Variants in ATP8A2 observed in about 807,000 individuals in gnomAD.
The protein encoded by ATP8A2 is phospholipid-transporting ATPase IB.
A neutral mutation model predicts 165.6 loss-of-function variants in ATP8A2; 100 were observed. The ratio of observed to expected loss-of-function variants is 0.60; its 90% confidence interval spans 0.51 to 0.71. The LOEUF (loss-of-function observed/expected upper bound fraction) is 0.71. Among genes scored for constraint, ATP8A2 ranks in the 30% least tolerant of loss-of-function variants. ATP8A2 has a pLI of 0.00. For synonymous variants in ATP8A2, 543 were observed against 548.8 expected (o/e 0.99, Z 0.15); for missense variants, 1,227 against 1,479.5 (o/e 0.83, Z 2.80).
At chr13:25,437,625 A>T (rs1462759434) in intron 1 of ATP8A2, among the ~76,000 whole-genome samples, 1 of 152,240 alleles carries the variant, frequency 6.6e-6, no homozygotes, top group Non-Finnish European at 1.5e-5. Context: ...GTATTGCTGG[A>T]GATTGTATTT....
intron 33 of ATP8A2, among the ~76,000 whole-genome samples, chr13:25,951,151 A>G (rs1227173043): frequency 6.6e-6 from 1 of 152,208 alleles, no homozygotes; most frequent in Non-Finnish European, 1.5e-5. Flanking sequence ...AACTGGAAAC[A>G]TATGTCCACA....
chr13:25,836,430 C>T (rs1951609771), intron 28 of ATP8A2, among the ~76,000 whole-genome samples: 1 of 152,180 alleles, frequency 6.6e-6, no homozygotes, highest in Non-Finnish European at 1.5e-5. Context: ...ACATCCCTGT[C>T]ATCTTGCCAA....
In ATP8A2 at chr13:25,408,080, A is replaced by T. The variant is rs77777152; in HGVS notation, c.76+35792A>T. Reference sequence around the variant, plus strand: ...TGTATCCTGGAACTTAAAGTAAAAAAATATATATATATTTGACATTAAAAA... The same window carrying T: ...TGTATCCTGGAACTTAAAGTAAAAATATATATATATATTTGACATTAAAAA... On this transcript the variant is annotated intron_variant, in intron 1 of 36. Coordinates refer to ENST00000381655, the MANE Select transcript of ATP8A2 (RefSeq NM_016529.6). Among the ~76,000 whole-genome samples the T allele has an allele frequency of 6.8e-3, 1,032 of 151,444 alleles. 16 individuals carry two copies. Among genetic ancestry groups the T allele is most frequent in the African/African-American group, 0.023 (931 of 41,248 alleles).
In ATP8A2 at chr13:25,559,152, T is replaced by A; in HGVS notation, c.1352+91T>A. The A allele has an allele frequency of 3.5e-6, 3 of 868,680 alleles. No homozygotes were observed. The Middle Eastern group carries it at 7.1e-4, about 205-fold the overall frequency. 53.8% of individuals were successfully genotyped at this position (868,680 alleles called of 1,614,324 possible). A position where few individuals can be genotyped will look rare whatever the true frequency, so the allele number is the denominator to read the frequency against. ...GCTACTTAGTCAAATATCTTGACTT[T>A]CTGATGTTTTGAAAGGATAAAGTAG... On this transcript the variant is annotated intron_variant, in intron 14 of 36. Transcript: ENST00000381655.
intron 33 of ATP8A2, among the ~76,000 whole-genome samples, chr13:25,891,395 T>G (rs929041445): frequency 6.6e-6 from 1 of 152,168 alleles, no homozygotes. Flanking sequence ...CGATCTCGGC[T>G]CACTGCAACC....
At chr13:25,696,350 A>G (rs1010603449) in intron 24 of ATP8A2, among the ~76,000 whole-genome samples, 1 of 152,230 alleles carries the variant, frequency 6.6e-6, no homozygotes, top group Non-Finnish European at 1.5e-5. Flanking sequence ...GCCTCTAACA[A>G]GAGTCAGCCT....
chr13:25,653,197 C>T (rs1260289893), intron 24 of ATP8A2, among the ~76,000 whole-genome samples: 3 of 152,134 alleles, frequency 2.0e-5, no homozygotes, highest in Non-Finnish European at 2.9e-5. Flanking sequence ...TATCCCAGCA[C>T]CGTTTATTGA....
At chr13:25,800,707 C>A (rs1275168344) in intron 27 of ATP8A2, among the ~76,000 whole-genome samples, 1 of 152,130 alleles carries the variant, frequency 6.6e-6, no homozygotes, top group African/African-American at 2.4e-5. Context: ...CGCCGTCATG[C>A]TGAGTGTTTC....
chr13:25,832,425 A>G (rs1461688194), intron 28 of ATP8A2, among the ~76,000 whole-genome samples: 5 of 152,250 alleles, frequency 3.3e-5, no homozygotes, highest in African/African-American at 9.6e-5. Flanking sequence ...ACTGTAGGCC[A>G]GTCTCACTTA....
chr13:25,447,773 G>A (rs1042748139), intron 1 of ATP8A2, among the ~76,000 whole-genome samples: 7 of 152,180 alleles, frequency 4.6e-5, no homozygotes, highest in Admixed American at 1.3e-4. Flanking sequence ...ACATGGACTC[G>A]AAGGATGGTG....
chr13:25,856,252 T>C (rs1952163857), intron 30 of ATP8A2, among the ~76,000 whole-genome samples: 1 of 152,186 alleles, frequency 6.6e-6, no homozygotes, highest in South Asian at 2.1e-4. Context: ...ATCGCTATGT[T>C]TTATCATAAG....
intron 35 of ATP8A2, among the ~76,000 whole-genome samples, chr13:25,987,013 T>C (rs2139276476): frequency 6.6e-6 from 1 of 152,350 alleles, no homozygotes; most frequent in African/African-American, 2.4e-5. Flanking sequence ...TTTTTACAGA[T>C]GATCTAGAGA....
intron 35 of ATP8A2, among the ~76,000 whole-genome samples, chr13:26,004,255 T>G (rs977095175): frequency 3.3e-5 from 5 of 152,114 alleles, no homozygotes; most frequent in African/African-American, 1.2e-4. Context: ...CACTTAAGTA[T>G]TTTGTGTTGT....
chr13:25,523,025 T>C (rs909310034), intron 2 of ATP8A2, among the ~76,000 whole-genome samples: 9 of 151,492 alleles, frequency 5.9e-5, no homozygotes, highest in African/African-American at 2.2e-4. Context: ...CTCTGGAGGC[T>C]GAGGCTACCT....
chr13:25,953,450 C>T lies in ATP8A2; in HGVS notation c.3184-8125C>T, dbSNP rs145688411. Among the ~76,000 whole-genome samples, 231 of 149,248 alleles carry T rather than the reference C, an allele frequency of 1.5e-3. No homozygotes were observed. Among genetic ancestry groups the T allele is most frequent in the Non-Finnish European group, 3.0e-3 (202 of 67,612 alleles). On this transcript the variant is annotated intron_variant, in intron 33 of 36. Coordinates refer to ENST00000381655, the MANE Select transcript of ATP8A2 (RefSeq NM_016529.6). The surrounding 1 kb of genome is among the most constrained non-coding windows in gnomAD (Gnocchi z 6.7). ...AACTGTTGCTGCTCCACCTTTATTA[C>T]ATCTTTTCAAATCCACGCCACATTG...
intron 24 of ATP8A2, among the ~76,000 whole-genome samples, chr13:25,626,519 GT>G (rs2137486148): frequency 6.6e-6 from 1 of 152,282 alleles, no homozygotes; most frequent in South Asian, 2.1e-4. Context: ...TGGGGGTTAA[GT>G]TTTAAATGAA....
At chr13:25,489,747 A>G (rs533037448) in intron 2 of ATP8A2, among the ~76,000 whole-genome samples, 3 of 152,226 alleles carry the variant, frequency 2.0e-5, no homozygotes, top group African/African-American at 7.2e-5. Flanking sequence ...ACAAAGTAGA[A>G]CCCCCATGGT....
intron 30 of ATP8A2, among the ~76,000 whole-genome samples, chr13:25,853,186 C>T (rs1335921439): frequency 6.6e-6 from 1 of 151,458 alleles, no homozygotes; most frequent in African/African-American, 2.4e-5. Context: ...GTCAGGAGTT[C>T]GAGACCAGCC....
chr13:25,584,511 G>T (rs2039865753), intron 23 of ATP8A2, among the ~76,000 whole-genome samples: 2 of 152,186 alleles, frequency 1.3e-5, no homozygotes, highest in Non-Finnish European at 2.9e-5. Context: ...AAGGGAAGCA[G>T]AGCAAGTAAA....
Sources: gnomAD v4.1 joint callset for allele counts (sites outside exome capture counted in the v4.1 genomes callset) on GRCh38, gnomAD v4.1.1 for gene constraint, Gnocchi (gnomAD v3.1) non-coding constraint, MANE v1.5 for transcripts, NCBI Gene and HGNC (gene_info 2026-07-23, HGNC 2026-07-21) for gene names.